MBD5: variants seen among roughly 807,000 people sequenced by gnomAD.
MBD5 encodes the protein methyl-CpG binding domain protein 5, also known as methyl-CpG-binding domain protein 5.
Under a neutral mutation model 117.3 loss-of-function variants are expected in MBD5, and 13 were observed. The observed-to-expected ratio is 0.11, with a 90% CI of 0.07 to 0.18. The LOEUF (loss-of-function observed/expected upper bound fraction) is 0.18, where lower values mean the gene tolerates loss of function less well. Ranked by LOEUF, MBD5 falls within the 10% of genes least tolerant of loss-of-function variation. The probability of loss-of-function intolerance (pLI) is 1.00; values close to 1 mark genes in which losing one functional copy is unlikely to be tolerated. For synonymous variants in MBD5, 727 were observed against 766.4 expected (o/e 0.95, Z 0.85); for missense variants, 1,879 against 2,093.8 (o/e 0.90, Z 2.00).
At chr2:148,181,105 A>G (rs953873536) in intron 2 of MBD5, among the ~76,000 whole-genome samples, 2 of 152,216 alleles carry the variant, frequency 1.3e-5, no homozygotes, top group African/African-American at 4.8e-5. Flanking sequence ...TATACATGAA[A>G]TTTAAATAAG....
At chr2:148,415,846 A>T (rs1396480517) in intron 4 of MBD5, among the ~76,000 whole-genome samples, 1 of 152,104 alleles carries the variant, frequency 6.6e-6, no homozygotes, top group Non-Finnish European at 1.5e-5. Context: ...TGATCATTAC[A>T]TCTTTCAGCT....
intron 4 of MBD5, among the ~76,000 whole-genome samples, chr2:148,417,186 G>T (rs1056818358): frequency 6.6e-6 from 1 of 151,672 alleles, no homozygotes; most frequent in South Asian, 2.1e-4. Flanking sequence ...GCAGTGGTGT[G>T]ATCTTGGCTC....
Position 148,086,065 on chromosome 2 carries a change from G to A in MBD5, c.-925+64381G>A, listed in dbSNP as rs940695109. Among the ~76,000 whole-genome samples, 11 of 152,108 alleles carry A rather than the reference G, an allele frequency of 7.2e-5. 1 individual carries two copies. The South Asian group carries it at 1.5e-3, about 20-fold the overall frequency. ...TATTTCACTACAGAGATGCTGATGCGTGTGATTCTCAAGTGCTGCCTCAGT... is the reference window on the plus strand; with the variant it reads ...TATTTCACTACAGAGATGCTGATGCATGTGATTCTCAAGTGCTGCCTCAGT... On this transcript the variant is annotated intron_variant, in intron 1 of 13. Coordinates refer to ENST00000642680, the MANE Select transcript of MBD5 (RefSeq NM_001378120.1).
At chr2:148,428,943 T>C (rs1454133388) in intron 4 of MBD5, among the ~76,000 whole-genome samples, 1 of 152,140 alleles carries the variant, frequency 6.6e-6, no homozygotes, top group Non-Finnish European at 1.5e-5. Context: ...GGGCAAAGCC[T>C]TCATGACCAA....
At chr2:148,154,697 A>G (rs991936597) in intron 1 of MBD5, among the ~76,000 whole-genome samples, 2 of 152,152 alleles carry the variant, frequency 1.3e-5, no homozygotes, top group African/African-American at 4.8e-5. Context: ...CCGATTTTCC[A>G]GGTGTGTCCG....
chr2:148,363,998 C>T (rs1171345116), intron 4 of MBD5, among the ~76,000 whole-genome samples: 1 of 152,068 alleles, frequency 6.6e-6, no homozygotes. Flanking sequence ...ACAGAGAACG[C>T]CACAAAGATA....
chr2:148,251,894 AAAT>A (rs1448427724), intron 3 of MBD5, among the ~76,000 whole-genome samples: 2 of 152,188 alleles, frequency 1.3e-5, no homozygotes, highest in East Asian at 3.8e-4. Flanking sequence ...TATCAGCGCA[AAAT>A]AATAATTGTA....
chr2:148,186,505 A>G (rs1426623536), intron 2 of MBD5, among the ~76,000 whole-genome samples: 1 of 152,252 alleles, frequency 6.6e-6, no homozygotes, highest in Non-Finnish European at 1.5e-5. Flanking sequence ...GAAACACTTT[A>G]CAATGCTTTG....
chr2:148,216,333 G>T (rs558761553), intron 2 of MBD5, among the ~76,000 whole-genome samples: 152 of 152,306 alleles, frequency 1.0e-3, no homozygotes, highest in Non-Finnish European at 1.6e-3. Context: ...CCATTATTTG[G>T]TATGGGGATG....
chr2:148,289,778 A>G (rs1701454553), intron 3 of MBD5, among the ~76,000 whole-genome samples: 1 of 152,196 alleles, frequency 6.6e-6, no homozygotes, highest in African/African-American at 2.4e-5. Context: ...CTCTTTAAAA[A>G]TGTACGAAAT....
intron 3 of MBD5, among the ~76,000 whole-genome samples, chr2:148,256,715 A>G (rs1450241142): frequency 6.6e-6 from 1 of 152,252 alleles, no homozygotes; most frequent in Non-Finnish European, 1.5e-5. Flanking sequence ...GGCTAGACCC[A>G]TCTGTGTACC....
chr2:148,441,996 G>T (rs532475909), intron 4 of MBD5, among the ~76,000 whole-genome samples: 2 of 151,876 alleles, frequency 1.3e-5, no homozygotes, highest in Non-Finnish European at 2.9e-5. Flanking sequence ...ATTGTAGATT[G>T]TGGATATTAG....
At chr2:148,511,575 T>C (rs1682215064) in intron 13 of MBD5, among the ~76,000 whole-genome samples, 1 of 152,218 alleles carries the variant, frequency 6.6e-6, no homozygotes, top group Admixed American at 6.5e-5. Flanking sequence ...AGAAGTAAAT[T>C]TTCTCATTTT....
intron 1 of MBD5, among the ~76,000 whole-genome samples, chr2:148,159,540 A>T (rs1222722141): frequency 6.6e-6 from 1 of 150,664 alleles, no homozygotes; most frequent in Non-Finnish European, 1.5e-5. Flanking sequence ...CCTGCCTTGG[A>T]CTCCCAAAGT....
intron 3 of MBD5, among the ~76,000 whole-genome samples, chr2:148,251,234 G>A (rs890078758): frequency 2.0e-5 from 3 of 152,138 alleles, no homozygotes; most frequent in African/African-American, 7.2e-5. Context: ...TCTAAATAAG[G>A]ACTTAGTTAA....
At chr2:148,248,479 A>G (rs1452917250) in intron 3 of MBD5, among the ~76,000 whole-genome samples, 2 of 152,188 alleles carry the variant, frequency 1.3e-5, no homozygotes, top group East Asian at 1.9e-4. Flanking sequence ...TCTACCTTCA[A>G]TATAGGACCC....
intron 4 of MBD5, among the ~76,000 whole-genome samples, chr2:148,400,184 A>ATGTT (rs1407476931): frequency 6.6e-6 from 1 of 152,056 alleles, no homozygotes; most frequent in African/African-American, 2.4e-5. Context: ...ATCTAGTGGA[A>ATGTT]TGTTGATAGA....
At chr2:148,411,222 G>A (rs1705236917) in intron 4 of MBD5, among the ~76,000 whole-genome samples, 1 of 152,120 alleles carries the variant, frequency 6.6e-6, no homozygotes, top group African/African-American at 2.4e-5. Flanking sequence ...GTATTCCATT[G>A]TGTATGTATA....
intron 11 of MBD5, among the ~76,000 whole-genome samples, chr2:148,492,954 T>C (rs1257319946): frequency 6.6e-6 from 1 of 151,352 alleles, no homozygotes; most frequent in East Asian, 1.9e-4. Context: ...ATTTTATTTA[T>C]GTAGAACTCC....
Sources: allele counts gnomAD v4.1 joint callset (sites outside exome capture counted in the v4.1 genomes callset), GRCh38; gene constraint gnomAD v4.1.1; transcripts MANE v1.5; gene names NCBI Gene and HGNC (gene_info 2026-07-23, HGNC 2026-07-21).